The following DACH2 variants were observed in gnomAD, a reference collection of about 807,000 sequenced individuals.
DACH2 encodes the protein dachshund family transcription factor 2, also known as dachshund homolog 2.
DACH2 carries 17 observed loss-of-function variants against 35.8 expected under a neutral mutation model. The observed-to-expected ratio is 0.48, with a 90% confidence interval of 0.33 to 0.71. The LOEUF (loss-of-function observed/expected upper bound fraction) is 0.71. DACH2 is among the 30% of genes least tolerant of loss of function. DACH2 has a pLI of 0.02. For missense variants in DACH2, 469 were observed against 472.7 expected (o/e 0.99, Z 0.07); for synonymous variants, 195 against 177.3 (o/e 1.10, Z -0.79).
chrX:86,562,330 C>G (rs981961782), intron 3 of DACH2, among the ~76,000 whole-genome samples: 3 of 110,854 alleles, frequency 2.7e-5, no homozygotes, highest in Non-Finnish European at 5.7e-5. Flanking sequence ...ATGAGATTGT[C>G]TATTTCATTG....
intron 2 of DACH2, among the ~76,000 whole-genome samples, chrX:86,464,277 C>A (rs1314267527): frequency 9.0e-6 from 1 of 111,275 alleles, no homozygotes; most frequent in Non-Finnish European, 1.9e-5. Context: ...ACCCAAATGC[C>A]CATCAATTAT....
At chrX:86,432,016 T>C (rs1016615739) in intron 2 of DACH2, among the ~76,000 whole-genome samples, 2 of 112,014 alleles carry the variant, frequency 1.8e-5, no homozygotes, top group Non-Finnish European at 3.8e-5. Context: ...TTGACAACTT[T>C]ATAATAAAGA....
intron 5 of DACH2, among the ~76,000 whole-genome samples, chrX:86,698,357 C>T (rs1380252726): frequency 9.2e-6 from 1 of 108,342 alleles, no homozygotes; most frequent in East Asian, 2.9e-4. Flanking sequence ...GTTACCATAC[C>T]AGTAGACCTG....
chrX:86,760,951 A>G (rs2041874432), intron 7 of DACH2, among the ~76,000 whole-genome samples: 1 of 111,823 alleles, frequency 8.9e-6, no homozygotes, highest in Non-Finnish European at 1.9e-5. Context: ...TTTTGGATGC[A>G]TGCAGTAGTG....
At chrX:86,438,857 G>A (rs1415699027) in intron 2 of DACH2, among the ~76,000 whole-genome samples, 1 of 112,309 alleles carries the variant, frequency 8.9e-6, no homozygotes, top group African/African-American at 3.2e-5. Context: ...AACCTTGCAA[G>A]CACCAGTTAT....
intron 3 of DACH2, among the ~76,000 whole-genome samples, chrX:86,626,513 T>C (rs943728196): frequency 8.0e-5 from 9 of 112,814 alleles, no homozygotes; most frequent in Admixed American, 1.9e-4. Flanking sequence ...GTGGGGACTC[T>C]GTGTGGGGGA....
chrX:86,799,651 A>T (rs2042272676), intron 7 of DACH2, among the ~76,000 whole-genome samples: 1 of 112,376 alleles, frequency 8.9e-6, no homozygotes, highest in Non-Finnish European at 1.9e-5. Flanking sequence ...TTACAAGTTT[A>T]TTCTTTTGTC....
At chrX:86,739,332 C>T (rs2041629382) in intron 6 of DACH2, among the ~76,000 whole-genome samples, 1 of 109,917 alleles carries the variant, frequency 9.1e-6, no homozygotes, top group African/African-American at 3.3e-5. Flanking sequence ...TTCCAGGGCT[C>T]TCAAGTCTTT....
At chrX:86,226,926 A>G (rs1480975542) in intron 1 of DACH2, among the ~76,000 whole-genome samples, 1 of 111,675 alleles carries the variant, frequency 9.0e-6, no homozygotes, top group Non-Finnish European at 1.9e-5. Flanking sequence ...CTAACTAGAT[A>G]CAAATCCTGT....
chrX:86,520,751 G>A (rs1353189999), intron 3 of DACH2, among the ~76,000 whole-genome samples: 2 of 111,404 alleles, frequency 1.8e-5, no homozygotes, highest in Non-Finnish European at 3.8e-5. Flanking sequence ...CATTTGCTTG[G>A]TAGATTTTTC....
intron 1 of DACH2, among the ~76,000 whole-genome samples, chrX:86,229,204 C>A (rs1278378028): frequency 8.9e-6 from 1 of 111,826 alleles, no homozygotes; most frequent in Non-Finnish European, 1.9e-5. Flanking sequence ...GTTATCCCAG[C>A]ACCATTTGTT....
chrX:86,634,178 G>A (rs1328452698), intron 3 of DACH2, among the ~76,000 whole-genome samples: 1 of 111,290 alleles, frequency 9.0e-6, no homozygotes, highest in Non-Finnish European at 1.9e-5. Context: ...CTCACTATCA[G>A]GAGAATGGCA....
intron 1 of DACH2, among the ~76,000 whole-genome samples, chrX:86,373,688 C>A (rs2035923764): frequency 9.0e-6 from 1 of 110,861 alleles, no homozygotes; most frequent in African/African-American, 3.3e-5. Flanking sequence ...TTAACCAAAG[C>A]AGTTCAGGCA....
At chrX:86,821,698 G>T (rs1351196747) in intron 11 of DACH2, among the ~76,000 whole-genome samples, 1 of 111,039 alleles carries the variant, frequency 9.0e-6, no homozygotes, top group Admixed American at 9.6e-5. Flanking sequence ...GGGCCTGGTT[G>T]TCAAGGATTC....
chrX:86,656,037 C>CG (rs915503667), intron 4 of DACH2, among the ~76,000 whole-genome samples: 3 of 101,028 alleles, frequency 3.0e-5, no homozygotes, highest in African/African-American at 1.1e-4. Context: ...GCTCCCCCCC[C>CG]CCACTAATCT....
intron 7 of DACH2, among the ~76,000 whole-genome samples, chrX:86,795,175 G>T (rs760371513): frequency 9.2e-6 from 1 of 109,214 alleles, no homozygotes; most frequent in African/African-American, 3.3e-5. Context: ...AATTAAGGAA[G>T]TTAAAATCGC....
intron 2 of DACH2, among the ~76,000 whole-genome samples, chrX:86,451,584 T>A (rs1303341708): frequency 1.8e-5 from 2 of 111,750 alleles, no homozygotes; most frequent in African/African-American, 3.3e-5. Context: ...TTTTTTCTAA[T>A]TCTGTGAAGA....
intron 2 of DACH2, among the ~76,000 whole-genome samples, chrX:86,386,274 G>A (rs2036121128): frequency 9.0e-6 from 1 of 111,135 alleles, no homozygotes; most frequent in Non-Finnish European, 1.9e-5. Flanking sequence ...TTAAATTGGG[G>A]TTATGTGTTT....
At chrX:86,281,897 C>G (rs754452994) in intron 1 of DACH2, among the ~76,000 whole-genome samples, 1 of 111,970 alleles carries the variant, frequency 8.9e-6, no homozygotes, top group East Asian at 2.8e-4. Context: ...AACTCCCATT[C>G]ACAGTTGCTA....
Sources: allele counts gnomAD v4.1 joint callset (sites outside exome capture counted in the v4.1 genomes callset), GRCh38; gene constraint gnomAD v4.1.1; transcripts MANE v1.5; gene names NCBI Gene and HGNC (gene_info 2026-07-23, HGNC 2026-07-21).